Variants in MYO3B observed in about 807,000 individuals in gnomAD.
MYO3B encodes myosin-IIIb.
In MYO3B, 156 loss-of-function variants were observed where a neutral mutation model predicts 174.6. The ratio of observed to expected loss-of-function variants is 0.89; its 90% CI spans 0.78 to 1.02. MYO3B has a LOEUF of 1.02. Ranked by LOEUF, MYO3B falls within the 50% of genes least tolerant of loss-of-function variation. The pLI is 0.00. For missense variants in MYO3B, 1,632 were observed against 1,639.4 expected (o/e 1.00, Z 0.08); for synonymous variants, 563 against 569.1 (o/e 0.99, Z 0.15).
At chr2:170,246,543 C>CAT (rs1200063030) in intron 7 of MYO3B, among the ~76,000 whole-genome samples, 2 of 151,546 alleles carry the variant, frequency 1.3e-5, no homozygotes, top group Non-Finnish European at 2.9e-5. Context: ...CACACACACA[C>CAT]ACACACACAC....
intron 23 of MYO3B, among the ~76,000 whole-genome samples, chr2:170,457,124 CA>C (rs1442157472): frequency 6.6e-6 from 1 of 152,176 alleles, no homozygotes; most frequent in African/African-American, 2.4e-5. Context: ...ATGGAGCTTA[CA>C]GGACTGGAAG....
chr2:170,539,846 T>A (rs887292749), intron 30 of MYO3B, among the ~76,000 whole-genome samples: 6 of 151,990 alleles, frequency 3.9e-5, no homozygotes. Context: ...AGTCTCCAAC[T>A]CCTGAACTCA....
intron 23 of MYO3B, among the ~76,000 whole-genome samples, chr2:170,460,118 G>C (rs900119711): frequency 6.6e-6 from 1 of 152,170 alleles, no homozygotes; most frequent in African/African-American, 2.4e-5. Flanking sequence ...GGCCAGAGTG[G>C]ATGCTGAGAC....
chr2:170,292,319 A>G (rs1259707276), intron 7 of MYO3B, among the ~76,000 whole-genome samples: 1 of 152,152 alleles, frequency 6.6e-6, no homozygotes, highest in Non-Finnish European at 1.5e-5. Flanking sequence ...AAATTTCTGA[A>G]TTACTTTTCT....
At chr2:170,431,230 T>A (rs930472674) in intron 22 of MYO3B, among the ~76,000 whole-genome samples, 3 of 151,906 alleles carry the variant, frequency 2.0e-5, no homozygotes, top group African/African-American at 7.3e-5. Context: ...ACCAAGAAAA[T>A]AATGGGAAGA....
chr2:170,247,697 A>T (rs2093206941), intron 7 of MYO3B, among the ~76,000 whole-genome samples: 1 of 152,120 alleles, frequency 6.6e-6, no homozygotes, highest in Non-Finnish European at 1.5e-5. Context: ...TGGTTCATAG[A>T]TGGTAGCTTC....
intron 7 of MYO3B, among the ~76,000 whole-genome samples, chr2:170,261,529 G>C (rs1013915687): frequency 6.6e-6 from 1 of 152,214 alleles, no homozygotes; most frequent in Non-Finnish European, 1.5e-5. Flanking sequence ...TCTAGCCTGG[G>C]CAACAGAGTG....
At chr2:170,618,760 T>G (rs985192332) in intron 32 of MYO3B, among the ~76,000 whole-genome samples, 2 of 152,100 alleles carry the variant, frequency 1.3e-5, no homozygotes, top group African/African-American at 2.4e-5. Context: ...GGTCATTTGA[T>G]TATGAGGTGA....
chr2:170,626,642 T>TCG lies in MYO3B; in HGVS notation c.3734-24986_3734-24985insCG, dbSNP rs1559173413. ...TAGTTGATGCAGTTTCTTCCGAGGA[T>TCG]AGATGGTCTTTACAATTTGGCAAGT... On this transcript the variant is annotated intron_variant, in intron 32 of 34. Coordinates refer to ENST00000408978, the MANE Select transcript of MYO3B (RefSeq NM_138995.5). 6.9e-3 allele frequency among the ~76,000 whole-genome samples: 1,049 copies of TCG among 152,334 alleles called. 16 individuals carry two copies. Among genetic ancestry groups the TCG allele is most frequent in the African/African-American group, 0.024 (994 of 41,574 alleles).
intron 7 of MYO3B, among the ~76,000 whole-genome samples, chr2:170,269,458 A>G (rs1169862820): frequency 1.3e-5 from 2 of 152,144 alleles, no homozygotes; most frequent in Non-Finnish European, 2.9e-5. Context: ...AAACTGGGAA[A>G]GACTGATAAT....
At chr2:170,278,243 G>A (rs1014829447) in intron 7 of MYO3B, among the ~76,000 whole-genome samples, 1 of 152,064 alleles carries the variant, frequency 6.6e-6, no homozygotes, top group African/African-American at 2.4e-5. Context: ...ACCAGAGCAG[G>A]TCTCCCTGCT....
intron 8 of MYO3B, among the ~76,000 whole-genome samples, chr2:170,358,699 A>T (rs80114633): frequency 6.6e-6 from 1 of 152,182 alleles, no homozygotes; most frequent in African/African-American, 2.4e-5. Flanking sequence ...AATGCCAGCT[A>T]TGCACATTAT....
chr2:170,244,362 C>T (rs944956331), intron 7 of MYO3B, among the ~76,000 whole-genome samples: 1 of 152,168 alleles, frequency 6.6e-6, no homozygotes, highest in Non-Finnish European at 1.5e-5. Context: ...CCCAGCCCCA[C>T]CTGGAAAGGC....
chr2:170,384,658 A>G (rs1257592171), intron 12 of MYO3B, among the ~76,000 whole-genome samples: 3 of 152,214 alleles, frequency 2.0e-5, no homozygotes, highest in Non-Finnish European at 4.4e-5. Context: ...TAAAATGTCC[A>G]TAGATTTCAT....
In MYO3B at chr2:170,216,607, G is replaced by GT. The variant is rs544247755; in HGVS notation, c.527-710dup. On this transcript the variant is annotated intron_variant, in intron 5 of 34. Coordinates refer to ENST00000408978, the MANE Select transcript of MYO3B (RefSeq NM_138995.5). ...TCCCCAACATTGAGCCCCAGATAAT[G>GT]TTATTAGTCATTTTCTTTTTCCATT... is the stretch of plus-strand genomic sequence containing the variant. Among the ~76,000 whole-genome samples the GT allele has an allele frequency of 9.9e-4, 151 of 152,294 alleles. No individual in the cohort carries two copies. The East Asian group carries it at 0.024, about 24-fold the overall frequency.
intron 25 of MYO3B, among the ~76,000 whole-genome samples, chr2:170,485,350 C>G (rs1349672326): frequency 1.3e-5 from 2 of 151,528 alleles, no homozygotes; most frequent in African/African-American, 4.9e-5. Flanking sequence ...ATGATGCCCC[C>G]TCTCTAAAGT....
intron 32 of MYO3B, among the ~76,000 whole-genome samples, chr2:170,575,382 G>C (rs1692724353): frequency 1.3e-5 from 2 of 152,040 alleles, no homozygotes; most frequent in Admixed American, 1.3e-4. Flanking sequence ...CAATAGTTCA[G>C]GCTTTTTGGG....
Position 170,387,093 on chromosome 2 carries a change from CTGTT to C in MYO3B, c.1375-10_1375-7del, listed in dbSNP as rs754444089. The C allele has an allele frequency of 8.1e-6, 13 of 1,613,508 alleles. No homozygotes were observed. The highest frequency in any genetic ancestry group is 1.1e-5 in the Non-Finnish European group (13 of 1,179,674). On this transcript the variant is annotated splice_polypyrimidine_tract_variant and intron_variant, in intron 13 of 34. Coordinates refer to ENST00000408978, the MANE Select transcript of MYO3B (RefSeq NM_138995.5). ...TCTGGAGTCTCTTCTTGACCGTTCT[CTGTT>C]TGGCACAGGCCAATAATCAGACCTT... is the stretch of plus-strand genomic sequence containing the variant.
intron 32 of MYO3B, among the ~76,000 whole-genome samples, chr2:170,607,785 C>G (rs1027747200): frequency 2.0e-5 from 3 of 152,100 alleles, no homozygotes; most frequent in African/African-American, 7.2e-5. Context: ...GTAAAAATAC[C>G]TACATTAGTG....
Sources: gnomAD v4.1 joint callset for allele counts (sites outside exome capture counted in the v4.1 genomes callset) on GRCh38, gnomAD v4.1.1 for gene constraint, MANE v1.5 for transcripts, NCBI Gene and HGNC (gene_info 2026-07-23, HGNC 2026-07-21) for gene names.